Variants in TNIP3 observed in about 807,000 individuals in gnomAD.
TNIP3 encodes TNFAIP3 interacting protein 3.
Under a neutral mutation model 54.1 loss-of-function variants are expected in TNIP3, and 34 were observed. The ratio of observed to expected loss-of-function variants is 0.63; its 90% CI spans 0.48 to 0.84. The LOEUF (loss-of-function observed/expected upper bound fraction) is 0.84. Among genes scored for constraint, TNIP3 ranks in the 40% least tolerant of loss-of-function variants. The pLI is 0.00. For missense variants in TNIP3, 366 were observed against 387.6 expected (o/e 0.94, Z 0.47); for synonymous variants, 134 against 136.8 (o/e 0.98, Z 0.14).
At chr4:121,220,194 G>A (rs1560701122), upstream of TNIP3, among the ~76,000 whole-genome samples, 1 of 152,146 alleles carries the variant, frequency 6.6e-6, no homozygotes, top group African/African-American at 2.4e-5. Context: ...GATCACATAA[G>A]AGACCTACAG....
intron 2 of TNIP3, among the ~76,000 whole-genome samples, 186 bp from the exon 3 acceptor site, chr4:121,158,938 G>T (rs931995399): frequency 6.6e-6 from 1 of 152,168 alleles, no homozygotes; most frequent in African/African-American, 2.4e-5. Flanking sequence ...GTTTATAACT[G>T]GTTCGTATAT....
At chr4:121,198,342 T>C (rs1453767027) in intron 2 of TNIP3, among the ~76,000 whole-genome samples, 1 of 152,164 alleles carries the variant, frequency 6.6e-6, no homozygotes, top group Non-Finnish European at 1.5e-5. Context: ...CCAAAACATA[T>C]GGATTTGATA....
chr4:121,132,418 G>A lies in TNIP3; in HGVS notation c.*213C>T. On this transcript the variant is annotated 3_prime_UTR_variant, in exon 11 of 11. Transcript: ENST00000057513. ...TTCAAGGAAACTGGAAGTTGTATTT[G>A]GTTGTATAATAACTGGCTCCTCCAA... 2.1e-6 allele frequency: 1 copy of A among 466,112 alleles called. No homozygotes were observed. Among genetic ancestry groups the A allele is most frequent in the Non-Finnish European group, 3.8e-6 (1 of 262,414 alleles). 28.9% of individuals were successfully genotyped at this position (466,112 alleles called of 1,614,324 possible). A position where few individuals can be genotyped will look rare whatever the true frequency, so the allele number is the denominator to read the frequency against.
intron 2 of TNIP3, among the ~76,000 whole-genome samples, chr4:121,205,475 G>T (rs1481263232): frequency 6.6e-6 from 1 of 152,124 alleles, no homozygotes; most frequent in African/African-American, 2.4e-5. Context: ...AGTGAATGGG[G>T]GTTTTCAGCA....
intron 10 of TNIP3, among the ~76,000 whole-genome samples, chr4:121,134,796 G>A (rs1241102329): frequency 6.6e-6 from 1 of 152,096 alleles, no homozygotes; most frequent in Non-Finnish European, 1.5e-5. Flanking sequence ...AGAGGACTCT[G>A]CTCTAGCCCT....
rs553061464 is a variant in TNIP3, at chr4:121,161,596, T to C, written c.67-380A>G. On this transcript the variant is annotated intron_variant, in intron 1 of 10. Transcript: ENST00000057513. ...GGATATATTTTAGGTATTTTTATAGTAAACATTTCATAAAAGTCATTTTGG... is the reference window on the plus strand; with the variant it reads ...GGATATATTTTAGGTATTTTTATAGCAAACATTTCATAAAAGTCATTTTGG... Among the ~76,000 whole-genome samples the C allele has an allele frequency of 1.3e-3, 201 of 152,318 alleles. 2 individuals carry two copies. Among genetic ancestry groups the C allele is most frequent in the African/African-American group, 4.7e-3 (194 of 41,572 alleles).
intron 4 of TNIP3, 61 bp downstream of exon 4, chr4:121,157,033 T>TC (rs1730142598): frequency 4.4e-6 from 7 of 1,601,048 alleles, no homozygotes; most frequent in Middle Eastern, 1.9e-4. Context: ...CTACAGGAAA[T>TC]CCCCCCGCCC....
chr4:121,184,581 C>T (rs1262777020), intron 2 of TNIP3, among the ~76,000 whole-genome samples: 4 of 152,162 alleles, frequency 2.6e-5, no homozygotes, highest in East Asian at 3.8e-4. Flanking sequence ...CCTTCTAAGG[C>T]CTGACTACCT....
rs138758827 is a variant in TNIP3, at chr4:121,222,804, G to GTTTTT, written c.3+4576_3+4580dup. On this transcript the variant is annotated intron_variant, in intron 1 of 12. Transcript: ENST00000509841. ...GTGGAGCTGAGGGTGTTTTTTGTGC[G>GTTTTT]TTTTTTTTTTTTTTTTTTTGAGACG... Among the ~76,000 whole-genome samples, 102 of 105,762 alleles carry GTTTTT rather than the reference G, an allele frequency of 9.6e-4. 6 individuals are homozygous for GTTTTT. The highest frequency in any genetic ancestry group is 1.5e-3 in the African/African-American group (41 of 26,458). 69.4% of individuals were successfully genotyped at this position (105,762 alleles called of 152,430 possible).
At chr4:121,172,832 A>G (rs1279307715) in intron 3 of TNIP3, among the ~76,000 whole-genome samples, 5 of 152,246 alleles carry the variant, frequency 3.3e-5, no homozygotes, top group Non-Finnish European at 7.3e-5. Flanking sequence ...GCGGTCAATT[A>G]GATAAATTAT....
chr4:121,133,018 G>T (rs1022884984), intron 10 of TNIP3, among the ~76,000 whole-genome samples: 3 of 152,128 alleles, frequency 2.0e-5, no homozygotes, highest in African/African-American at 4.8e-5. Context: ...CCCAGAGAAA[G>T]AAAACTTGCC....
At chr4:121,180,823 C>T (rs1724649338) in intron 3 of TNIP3, among the ~76,000 whole-genome samples, 2 of 152,334 alleles carry the variant, frequency 1.3e-5, no homozygotes, top group East Asian at 1.9e-4. Flanking sequence ...TTTTACTTAT[C>T]TATTCTGTCT....
rs568577888 is a variant in TNIP3, at chr4:121,202,181, T to C, written c.68+14234A>G. On this transcript the variant is annotated intron_variant, in intron 2 of 12. Coordinates refer to the TNIP3 transcript ENST00000507879. ...ACTACACTATAAGGCCATAGTGACC[T>C]GACAAAGCAGCATGGTACTGGTATA... 1.4e-3 allele frequency among the ~76,000 whole-genome samples: 216 copies of C among 152,154 alleles called. 1 individual carries two copies. The highest frequency in any genetic ancestry group is 4.9e-3 in the African/African-American group (202 of 41,542).
At chr4:121,181,751 G>A (rs1724721475) in intron 3 of TNIP3, among the ~76,000 whole-genome samples, 1 of 152,056 alleles carries the variant, frequency 6.6e-6, no homozygotes, top group Non-Finnish European at 1.5e-5. Flanking sequence ...AGTGAAGTCT[G>A]AGGCCTATAC....
intron 2 of TNIP3, among the ~76,000 whole-genome samples, chr4:121,191,749 GATT>G (rs1725321624): frequency 6.6e-6 from 1 of 152,106 alleles, no homozygotes. Context: ...TTTAAGTAAA[GATT>G]ATTATCATAT....
chr4:121,213,874 G>A (rs1726629052), intron 2 of TNIP3, among the ~76,000 whole-genome samples: 1 of 152,174 alleles, frequency 6.6e-6, no homozygotes, highest in Non-Finnish European at 1.5e-5. Flanking sequence ...TACATGTTGA[G>A]TGGGACTGCT....
intron 2 of TNIP3, among the ~76,000 whole-genome samples, chr4:121,216,113 T>C (rs773584079): frequency 3.2e-4 from 48 of 152,160 alleles, no homozygotes; most frequent in Non-Finnish European, 5.7e-4. Flanking sequence ...AGGAGAAAAA[T>C]TTGTGCAATT....
intron 5 of TNIP3, chr4:121,154,294 T>C: frequency 2.3e-6 from 1 of 426,694 alleles, no homozygotes; most frequent in South Asian, 2.6e-5. Flanking sequence ...GAAATGTTCT[T>C]ACTGTCTCTG....
At position 121,157,111 on chromosome 4, in the gene TNIP3, G is replaced by A. The variant is rs780015587; in HGVS notation, c.346C>T (p.Arg116Trp). The change falls in exon 4 of 11, where the codon CGG (arginine) becomes TGG (tryptophan). Residue 116 changes from arginine (R) to tryptophan (W), a missense_variant. Arg to Trp is a moderately radical substitution (Grantham distance 101). Transcript: ENST00000057513. ...CCGCCCACCTCCTCCCGCTGCAGCC[G>A]GTCCCGGGTCAGGTCGCGCTGCCTG... ...DDRQRDLTRD[R>W]LQREEKEKER... The A allele has an allele frequency of 3.1e-6, 5 of 1,613,952 alleles. No homozygotes were observed. Among genetic ancestry groups the A allele is most frequent in the Admixed American group, 1.7e-5 (1 of 59,990 alleles).
Sources: allele counts gnomAD v4.1 joint callset (sites outside exome capture counted in the v4.1 genomes callset), GRCh38; gene constraint gnomAD v4.1.1; transcripts MANE v1.5; gene names NCBI Gene and HGNC (gene_info 2026-07-23, HGNC 2026-07-21).